RPS6KC1: variants seen among roughly 807,000 people sequenced by gnomAD.
RPS6KC1 encodes the protein inactive ribosomal protein S6 kinase delta-1.
A neutral mutation model predicts 103.8 loss-of-function variants in RPS6KC1; 54 were observed. That is an observed-to-expected ratio of 0.52 (90% CI 0.42 to 0.65). The LOEUF (loss-of-function observed/expected upper bound fraction) is 0.65, where lower values mean the gene tolerates loss of function less well. Among genes scored for constraint, RPS6KC1 ranks in the 30% least tolerant of loss-of-function variants. The probability of loss-of-function intolerance (pLI) is 0.00; values close to 1 mark genes in which losing one functional copy is unlikely to be tolerated. For missense variants in RPS6KC1, 1,151 were observed against 1,253.8 expected (o/e 0.92, Z 1.24); for synonymous variants, 439 against 438.7 (o/e 1.00, Z -0.01).
chr1:213,640,107 A>G, the RPS6KC1 span, among the ~76,000 whole-genome samples: 5 of 152,062 alleles, frequency 3.3e-5, no homozygotes, highest in African/African-American at 1.2e-4. Context: ...ACTGTTATCT[A>G]CTTCATCTTG....
In RPS6KC1 at chr1:213,205,536, T is replaced by TTTTATATA. The variant is rs1553378412; in HGVS notation, c.1045-24960_1045-24959insTTATATAT. ...ATAATGTTAATAACAACAAACTCATTTATATATATAGATATATATATATAT... is the reference window on the plus strand; with the variant it reads ...ATAATGTTAATAACAACAAACTCATTTTTATATATATATATATAGATATATATATATAT... On this transcript the variant is annotated intron_variant, in intron 8 of 14. Transcript: ENST00000366960. 1.2e-4 allele frequency: 10 copies of TTTTATATA among 82,294 alleles called. 1 individual carries two copies. The highest frequency in any genetic ancestry group is 4.8e-4 in the African/African-American group (10 of 20,842). 5.1% of individuals were successfully genotyped at this position (82,294 alleles called of 1,614,324 possible).
chr1:213,652,679 G>A, the RPS6KC1 span, among the ~76,000 whole-genome samples: 1 of 152,156 alleles, frequency 6.6e-6, no homozygotes, highest in African/African-American at 2.4e-5. Flanking sequence ...TGAAGAAGCT[G>A]GTCTGGCCTT....
the RPS6KC1 span, among the ~76,000 whole-genome samples, chr1:213,383,671 G>T: frequency 6.6e-6 from 1 of 152,076 alleles, no homozygotes. Context: ...CAGTCTTATG[G>T]ATGGGGCCCT....
chr1:213,468,578 A>C, the RPS6KC1 span, among the ~76,000 whole-genome samples: 1 of 152,324 alleles, frequency 6.6e-6, no homozygotes, highest in East Asian at 1.9e-4. Flanking sequence ...AAATCAACAG[A>C]ATTGTGGTTA....
At chr1:213,772,961 A>G in the RPS6KC1 span, among the ~76,000 whole-genome samples, 2 of 152,134 alleles carry the variant, frequency 1.3e-5, no homozygotes, top group African/African-American at 4.8e-5. Flanking sequence ...TCCCAGACAG[A>G]TGGCTCCCCA....
At chr1:213,569,240 G>A in the RPS6KC1 span, among the ~76,000 whole-genome samples, 6 of 152,304 alleles carry the variant, frequency 3.9e-5, no homozygotes, top group Admixed American at 3.9e-4. Flanking sequence ...CTAAAACCTA[G>A]TGGGTCTTAG....
the RPS6KC1 span, among the ~76,000 whole-genome samples, chr1:213,377,938 A>T: frequency 3.9e-5 from 6 of 152,190 alleles, no homozygotes; most frequent in African/African-American, 1.4e-4. Flanking sequence ...TGGGGATAAC[A>T]ATTTATACTT....
intron 6 of RPS6KC1, among the ~76,000 whole-genome samples, chr1:213,134,908 G>A (rs2086100506): frequency 6.6e-6 from 1 of 152,020 alleles, no homozygotes; most frequent in African/African-American, 2.4e-5. Flanking sequence ...CAATTTGGAT[G>A]GCTTTTATTT....
At chr1:213,504,162 G>T in the RPS6KC1 span, among the ~76,000 whole-genome samples, 1 of 151,982 alleles carries the variant, frequency 6.6e-6, no homozygotes, top group Non-Finnish European at 1.5e-5. Flanking sequence ...GTATCTTTTT[G>T]AACATAGAAA....
the RPS6KC1 span, among the ~76,000 whole-genome samples, chr1:213,808,286 G>A: frequency 6.6e-6 from 1 of 152,194 alleles, no homozygotes; most frequent in Non-Finnish European, 1.5e-5. Flanking sequence ...CTACGTGCTG[G>A]GAGAACCACT....
At chr1:213,177,840 C>G (rs1303327571) in intron 8 of RPS6KC1, among the ~76,000 whole-genome samples, 2 of 152,072 alleles carry the variant, frequency 1.3e-5, no homozygotes, top group Non-Finnish European at 2.9e-5. Context: ...CCTTTCATTG[C>G]TATGCTATAA....
the RPS6KC1 span, among the ~76,000 whole-genome samples, chr1:213,304,085 A>G: frequency 6.7e-6 from 1 of 149,850 alleles, no homozygotes; most frequent in Non-Finnish European, 1.5e-5. Context: ...GGGCGCCTGT[A>G]GTCCCAGCTA....
At chr1:213,283,270 C>T in the RPS6KC1 span, among the ~76,000 whole-genome samples, 2 of 152,182 alleles carry the variant, frequency 1.3e-5, no homozygotes, top group Non-Finnish European at 2.9e-5. Context: ...TGCTGCTGCT[C>T]CTGCTGTTGC....
chr1:213,257,390 G>A (rs924976273), intron 12 of RPS6KC1, among the ~76,000 whole-genome samples: 1 of 152,142 alleles, frequency 6.6e-6, no homozygotes, highest in African/African-American at 2.4e-5. Flanking sequence ...CTTAGAATGG[G>A]GCTTTAGTCT....
At chr1:213,607,784 G>A in the RPS6KC1 span, among the ~76,000 whole-genome samples, 2 of 152,014 alleles carry the variant, frequency 1.3e-5, no homozygotes, top group Non-Finnish European at 2.9e-5. Flanking sequence ...GAAGTGTTGA[G>A]TGCGTGTTGG....
At chr1:213,169,905 C>T (rs1018758513) in intron 7 of RPS6KC1, among the ~76,000 whole-genome samples, 3 of 151,844 alleles carry the variant, frequency 2.0e-5, no homozygotes, top group Non-Finnish European at 4.4e-5. Context: ...CCTCAGCCTC[C>T]CGAGTAGCTG....
At chr1:213,605,864 T>C in the RPS6KC1 span, among the ~76,000 whole-genome samples, 1 of 152,098 alleles carries the variant, frequency 6.6e-6, no homozygotes, top group African/African-American at 2.4e-5. Context: ...CCAGAGGACA[T>C]GTGCAAGGGA....
At chr1:213,835,621 C>T in the RPS6KC1 span, among the ~76,000 whole-genome samples, 1 of 152,210 alleles carries the variant, frequency 6.6e-6, no homozygotes, top group Non-Finnish European at 1.5e-5. Context: ...AACAGGATGT[C>T]ATGGAAGAGA....
At chr1:213,269,519 C>T (rs2094991211) in intron 14 of RPS6KC1, among the ~76,000 whole-genome samples, 1 of 152,122 alleles carries the variant, frequency 6.6e-6, no homozygotes, top group Non-Finnish European at 1.5e-5. Context: ...AGATCACATG[C>T]TAGGCCATAA....
Sources: gnomAD v4.1 joint callset for allele counts (sites outside exome capture counted in the v4.1 genomes callset) on GRCh38, gnomAD v4.1.1 for gene constraint, MANE v1.5 for transcripts, NCBI Gene and HGNC (gene_info 2026-07-23, HGNC 2026-07-21) for gene names.